Variants in SMARCA2 observed in about 807,000 individuals in gnomAD.
The protein encoded by SMARCA2 is SWI/SNF-related matrix-associated actin-dependent regulator of chromatin subfamily A member 2.
In SMARCA2, 61 loss-of-function variants were observed where a neutral mutation model predicts 199.8. That is an observed-to-expected ratio of 0.31 (90% CI 0.25 to 0.38). SMARCA2 has a LOEUF of 0.38. Ranked by LOEUF, SMARCA2 falls within the 10% of genes least tolerant of loss-of-function variation. SMARCA2 has a pLI of 1.00. For missense variants in SMARCA2, 1,344 were observed against 2,012.2 expected, an observed-to-expected ratio of 0.67 and a Z score of 6.35; for synonymous variants, 935 against 732.0, an observed-to-expected ratio of 1.28 and a Z score of -4.48.
rs908329499 is a variant in SMARCA2 at position 2,097,324 on chromosome 9, G to T, written c.2992-61G>T. 7 of 1,074,170 alleles carry T rather than the reference G, an allele frequency of 6.5e-6. No individual in the cohort carries two copies. The Admixed American group carries it at 1.0e-4, about 16-fold the overall frequency. The allele number at this position is 1,074,170 out of a possible 1,614,324, so 66.5% of individuals were successfully genotyped here. ...TTTGTATAAGAAGCCCAGTGTGAAG[G>T]ATCTGAAATGTCTGACCAGTTAATA... On this transcript the variant is annotated intron_variant, in intron 20 of 33. Transcript: ENST00000349721.
chr9:2,170,908 T>C lies in SMARCA2; in HGVS notation c.4253+436T>C, dbSNP rs889752746. ...CCTGCGAGACATGAAGAAGCGTGCA[T>C]GTTCACGCTGTGTCTGCATTCCAGA... On this transcript the variant is annotated intron_variant, in intron 29 of 33. Coordinates refer to ENST00000349721, the MANE Select transcript of SMARCA2 (RefSeq NM_003070.5). The surrounding 1 kb of genome is among the most constrained non-coding windows in gnomAD (Gnocchi z 4.7). Among the ~76,000 whole-genome samples the C allele has an allele frequency of 7.9e-5, 12 of 152,214 alleles. No individual in the cohort carries two copies. Among genetic ancestry groups the C allele is most frequent in the Non-Finnish European group, 1.6e-4 (11 of 68,032 alleles).
rs1182238107 is a variant in SMARCA2, at chr9:2,083,342, C to A, written c.2349-5C>A. Reference sequence around the variant, plus strand: ...TTTCTGTTGTTTTTTTTTTTTGTTCCATAGGACTCTATCTAACTGGACATA... The same window carrying A: ...TTTCTGTTGTTTTTTTTTTTTGTTCAATAGGACTCTATCTAACTGGACATA... On this transcript the variant is annotated splice_polypyrimidine_tract_variant and splice_region_variant and intron_variant, in intron 15 of 33. Coordinates refer to ENST00000349721, the MANE Select transcript of SMARCA2 (RefSeq NM_003070.5). The A allele has an allele frequency of 1.3e-6, 2 of 1,533,160 alleles. No homozygotes were observed. The highest frequency in any genetic ancestry group is 1.8e-6 in the Non-Finnish European group (2 of 1,132,402). The allele number at this position is 1,533,160 out of a possible 1,614,324, so 95.0% of individuals were successfully genotyped here.
intron 27 of SMARCA2, among the ~76,000 whole-genome samples, chr9:2,148,311 A>G (rs1489537225): frequency 6.6e-6 from 1 of 151,648 alleles, no homozygotes; most frequent in Non-Finnish European, 1.5e-5. Flanking sequence ...AAATGGCAAG[A>G]GCAGAGTGGC....
chr9:2,129,163 A>G (rs1306865650), intron 27 of SMARCA2, among the ~76,000 whole-genome samples: 1 of 152,226 alleles, frequency 6.6e-6, no homozygotes, highest in Non-Finnish European at 1.5e-5. Flanking sequence ...TCATGCCTGT[A>G]ATCCCAGCAG....
At chr9:2,084,359 T>A (rs1468384651) in intron 17 of SMARCA2, among the ~76,000 whole-genome samples, 163 bp downstream of exon 17, 2 of 149,884 alleles carry the variant, frequency 1.3e-5, no homozygotes, top group Non-Finnish European at 3.0e-5. Flanking sequence ...GTGGATTTGA[T>A]TTCATGCATG....
intron 29 of SMARCA2, among the ~76,000 whole-genome samples, chr9:2,176,300 G>C (rs1021207596): frequency 2.0e-5 from 3 of 150,580 alleles, no homozygotes; most frequent in Non-Finnish European, 2.9e-5. Context: ...AAACGTTTTG[G>C]CTGCTTTGAA....
intron 24 of SMARCA2, among the ~76,000 whole-genome samples, chr9:2,113,608 A>G (rs1366242570): frequency 1.3e-5 from 2 of 152,212 alleles, no homozygotes; most frequent in Admixed American, 6.5e-5. Flanking sequence ...TAGAAATATT[A>G]GCTTTTGTGA....
chr9:2,153,553 G>C (rs1324739924), intron 27 of SMARCA2, among the ~76,000 whole-genome samples: 1 of 152,086 alleles, frequency 6.6e-6, no homozygotes, highest in Non-Finnish European at 1.5e-5. Context: ...GCAAAGCAAA[G>C]CAAAATACTC....
chr9:2,021,116 C>T (rs1445198015), intron 1 of SMARCA2, among the ~76,000 whole-genome samples: 1 of 152,124 alleles, frequency 6.6e-6, no homozygotes, highest in East Asian at 1.9e-4. Flanking sequence ...TCAATTTAAG[C>T]ATCAATCTTA....
chr9:2,182,074 C>A, intron 30 of SMARCA2, 67 bp from the exon 31 acceptor site: 1 of 1,028,716 alleles, frequency 9.7e-7, no homozygotes, highest in Non-Finnish European at 1.5e-6. Context: ...GCTTTGTTAA[C>A]TAAGTAATGA....
At chr9:2,103,724 G>A (rs1180775838) in intron 22 of SMARCA2, among the ~76,000 whole-genome samples, 1 of 151,828 alleles carries the variant, frequency 6.6e-6, no homozygotes, top group Non-Finnish European at 1.5e-5. Flanking sequence ...AAGATTGAAA[G>A]TATTAAGAAC....
chr9:2,138,166 A>C (rs1824294375), intron 27 of SMARCA2, among the ~76,000 whole-genome samples: 1 of 130,466 alleles, frequency 7.7e-6, no homozygotes, highest in African/African-American at 4.0e-5. Context: ...TTTCTTCAGC[A>C]AAAAACAACA....
At chr9:2,146,259 C>T (rs1032477917) in intron 27 of SMARCA2, among the ~76,000 whole-genome samples, 6 of 152,140 alleles carry the variant, frequency 3.9e-5, no homozygotes, top group African/African-American at 1.4e-4. Flanking sequence ...TATTCCCAAT[C>T]ATGACCTAAT....
rs541061438 is a variant in SMARCA2, at chr9:2,053,751, A to C, written c.1047-846A>C. Reference sequence around the variant, plus strand: ...TTAAATGGCATATAATTATTTTGTCAGAATAGGATTCAGGTGAACTCTAAA... The same window carrying C: ...TTAAATGGCATATAATTATTTTGTCCGAATAGGATTCAGGTGAACTCTAAA... On this transcript the variant is annotated intron_variant, in intron 5 of 33. Coordinates refer to ENST00000349721, the MANE Select transcript of SMARCA2 (RefSeq NM_003070.5). Among the ~76,000 whole-genome samples, 163 of 152,342 alleles carry C rather than the reference A, an allele frequency of 1.1e-3. 7 individuals are homozygous for C. The South Asian group carries it at 0.031, about 29-fold the overall frequency.
At chr9:2,087,214 C>A in intron 18 of SMARCA2, 143 bp downstream of exon 18, 1 of 983,362 alleles carries the variant, frequency 1.0e-6, no homozygotes, top group Non-Finnish European at 1.5e-6. Context: ...GGTGGGTGGA[C>A]ATGGTCTTGT....
intron 26 of SMARCA2, among the ~76,000 whole-genome samples, chr9:2,120,899 A>G (rs1823430706): frequency 6.6e-6 from 1 of 152,210 alleles, no homozygotes. Context: ...CACACTGGTC[A>G]GCATAATCAA....
intron 32 of SMARCA2, among the ~76,000 whole-genome samples, chr9:2,186,865 A>G (rs989779828): frequency 7.4e-4 from 27 of 36,334 alleles, no homozygotes; most frequent in African/African-American, 1.6e-3. Context: ...ATATTAGCCT[A>G]CTACACATTT....
chr9:2,177,993 T>C (rs118142256), intron 29 of SMARCA2, among the ~76,000 whole-genome samples: 12 of 151,940 alleles, frequency 7.9e-5, no homozygotes, highest in Non-Finnish European at 1.8e-4. Context: ...TGTGGAATTA[T>C]ACTTTTGGTT....
chr9:2,109,605 G>A lies in SMARCA2; in HGVS notation c.3293-649G>A, dbSNP rs568398685. 8.0e-5 allele frequency among the ~76,000 whole-genome samples: 12 copies of A among 149,988 alleles called. No homozygotes were observed. The East Asian group carries it at 1.4e-3, about 17-fold the overall frequency. ...GAACTCAACAGAGCAGGATGATAAC[G>A]TGAGAAACAGACTAAGAGATTTCTT... On this transcript the variant is annotated intron_variant, in intron 23 of 33. Transcript: ENST00000349721.
Sources: gnomAD v4.1 joint callset for allele counts (sites outside exome capture counted in the v4.1 genomes callset) on GRCh38, gnomAD v4.1.1 for gene constraint, Gnocchi (gnomAD v3.1) non-coding constraint, MANE v1.5 for transcripts, NCBI Gene and HGNC (gene_info 2026-07-23, HGNC 2026-07-21) for gene names.